PTBP2: variants seen among roughly 807,000 people sequenced by gnomAD.
The protein encoded by PTBP2 is polypyrimidine tract-binding protein 2.
In PTBP2, 13 loss-of-function variants were observed where a neutral mutation model predicts 61.4. That is an observed-to-expected ratio of 0.21 (90% CI 0.14 to 0.34). The LOEUF (loss-of-function observed/expected upper bound fraction) is 0.34, where lower values mean the gene tolerates loss of function less well. Ranked by LOEUF, PTBP2 falls within the 10% of genes least tolerant of loss-of-function variation. The pLI is 1.00. For synonymous variants in PTBP2, 215 were observed against 218.5 expected, an observed-to-expected ratio of 0.98 and a Z score of 0.14; for missense variants, 405 against 642.6, an observed-to-expected ratio of 0.63 and a Z score of 4.00.
At chr1:96,812,674 T>G in intron 11 of PTBP2, 38 bp from the exon 12 acceptor site, 5 of 1,406,084 alleles carry the variant, frequency 3.6e-6, no homozygotes, top group Non-Finnish European at 5.0e-6. Context: ...TTTTGAGCTT[T>G]GATATTGTTT....
Position 96,804,791 on chromosome 1 carries a change from C to T in PTBP2, c.905-9C>T, listed in dbSNP as rs765789575. 6.9e-6 allele frequency: 11 copies of T among 1,586,452 alleles called. No homozygotes were observed. Among genetic ancestry groups the T allele is most frequent in the Non-Finnish European group, 9.4e-6 (11 of 1,168,070 alleles). The stretch of plus-strand genomic sequence containing the variant: ...TGCTTTATTTTAAAATTAGGGCTTC[C>T]TGTTGCAGCTGTTCCAGGAGCTCTG... On this transcript the variant is annotated splice_polypyrimidine_tract_variant and intron_variant, in intron 8 of 13. Transcript: ENST00000674951.
At chr1:96,820,295 GTTGGACATTTGCCATGTACA>G (rs943058494) in exon 14 of PTBP2, 6 of 151,918 alleles carry the variant, frequency 3.9e-5, no homozygotes, top group African/African-American at 1.5e-4. Flanking sequence ...TGCTATGTAC[GTTGGACATTTGCCATGTACA>G]TTGTAGAGAA....
intron 2 of PTBP2, among the ~76,000 whole-genome samples, chr1:96,724,833 G>A (rs987985179): frequency 2.0e-5 from 3 of 152,038 alleles, no homozygotes; most frequent in Non-Finnish European, 2.9e-5. Context: ...TTGTACTCAT[G>A]TACCCTAAAA....
chr1:96,777,383 A>G (rs1658156368), intron 5 of PTBP2, among the ~76,000 whole-genome samples: 1 of 152,186 alleles, frequency 6.6e-6, no homozygotes, highest in Admixed American at 6.5e-5. Context: ...ATTTTTTTGA[A>G]TGAAATACTA....
At chr1:96,818,562 T>G (rs770214612), downstream of PTBP2, 2 of 152,108 alleles carry the variant, frequency 1.3e-5, no homozygotes, top group Admixed American at 6.6e-5. Flanking sequence ...AGTGGCAAAT[T>G]AGTATCACCT....
At chr1:96,731,271 C>G (rs1038052920) in intron 2 of PTBP2, among the ~76,000 whole-genome samples, 1 of 152,158 alleles carries the variant, frequency 6.6e-6, no homozygotes, top group South Asian at 2.1e-4. Flanking sequence ...TGCCAGAACA[C>G]TCATTTGTTT....
intron 3 of PTBP2, 54 bp from the exon 4 acceptor site, chr1:96,769,649 T>G (rs1202358973): frequency 1.6e-6 from 2 of 1,256,524 alleles, no homozygotes; most frequent in Non-Finnish European, 1.0e-6. Context: ...AATAGGAAAA[T>G]TCATACATTC....
At chr1:96,766,623 C>A (rs1656749246) in intron 3 of PTBP2, among the ~76,000 whole-genome samples, 1 of 152,016 alleles carries the variant, frequency 6.6e-6, no homozygotes, top group Non-Finnish European at 1.5e-5. Context: ...ATTAAAGGAG[C>A]CCCCATTCCC....
intron 10 of PTBP2, 167 bp from the exon 11 acceptor site, chr1:96,806,699 C>G: frequency 1.5e-6 from 1 of 666,624 alleles, no homozygotes; most frequent in Non-Finnish European, 2.5e-6. Context: ...TTTCAAAATT[C>G]ACTGTTCAAA....
chr1:96,789,958 A>C (rs1320253112), intron 8 of PTBP2, among the ~76,000 whole-genome samples: 1 of 152,286 alleles, frequency 6.6e-6, no homozygotes, highest in Non-Finnish European at 1.5e-5. Context: ...AGCTTACATT[A>C]AAATTTCCCC....
chr1:96,804,743 A>G (rs941136959), intron 8 of PTBP2, 57 bp from the exon 9 acceptor site: 1 of 1,527,940 alleles, frequency 6.5e-7, no homozygotes. Flanking sequence ...TTTGTAAACG[A>G]CTTGTGTGTG....
At chr1:96,769,436 T>G (rs899776247) in intron 3 of PTBP2, among the ~76,000 whole-genome samples, 4 of 151,982 alleles carry the variant, frequency 2.6e-5, no homozygotes, top group Admixed American at 6.5e-5. Context: ...ATTTTAATGT[T>G]GTTGCTTATT....
chr1:96,731,151 A>AT (rs1651351461), intron 2 of PTBP2, among the ~76,000 whole-genome samples: 1 of 152,220 alleles, frequency 6.6e-6, no homozygotes, highest in Non-Finnish European at 1.5e-5. Context: ...ATCGATGGAC[A>AT]TTTAGGTTTG....
chr1:96,787,343 G>T (rs938217755), intron 8 of PTBP2, among the ~76,000 whole-genome samples: 2 of 152,146 alleles, frequency 1.3e-5, no homozygotes, highest in African/African-American at 4.8e-5. Context: ...TTTTTTGAGC[G>T]TTGTACATTT....
intron 7 of PTBP2, among the ~76,000 whole-genome samples, chr1:96,782,563 A>C (rs889737035): frequency 6.6e-6 from 1 of 152,032 alleles, no homozygotes; most frequent in Admixed American, 6.6e-5. Flanking sequence ...TGCATAATCT[A>C]CCAGGGTGGG....
chr1:96,746,261 T>C (rs1653751048), intron 2 of PTBP2, among the ~76,000 whole-genome samples: 1 of 152,146 alleles, frequency 6.6e-6, no homozygotes, highest in South Asian at 2.1e-4. Context: ...TCCAGTGTAT[T>C]GTTCCTATTT....
chr1:96,758,683 G>T (rs1317680159), intron 3 of PTBP2, among the ~76,000 whole-genome samples: 3 of 151,878 alleles, frequency 2.0e-5, no homozygotes, highest in African/African-American at 7.2e-5. Flanking sequence ...GTAAATAAGG[G>T]GTATCTACTA....
Position 96,789,514 on chromosome 1 carries a change from T to A in PTBP2, c.904+4260T>A, listed in dbSNP as rs142605292. Among the ~76,000 whole-genome samples the A allele has an allele frequency of 5.6e-4, 86 of 152,254 alleles. 3 individuals carry two copies. In the East Asian group the frequency reaches 0.016, roughly 28 times the overall value. On this transcript the variant is annotated intron_variant, in intron 8 of 13. Coordinates refer to ENST00000674951, the MANE Select transcript of PTBP2 (RefSeq NM_021190.4). ...AGAATTACTGCTACAGAAAAGAGCT[T>A]GTAACTTAATGTCATTTAAATCTAT...
intron 7 of PTBP2, among the ~76,000 whole-genome samples, chr1:96,779,126 A>G (rs901963229): frequency 2.6e-5 from 4 of 152,092 alleles, no homozygotes; most frequent in Non-Finnish European, 4.4e-5. Flanking sequence ...GTTCTCGGGT[A>G]TAATCTAATC....
Sources: allele counts gnomAD v4.1 joint callset (sites outside exome capture counted in the v4.1 genomes callset), GRCh38; gene constraint gnomAD v4.1.1; transcripts MANE v1.5; gene names NCBI Gene and HGNC (gene_info 2026-07-23, HGNC 2026-07-21).